Variants in NTN1 observed in about 807,000 individuals in gnomAD.
NTN1 encodes the protein netrin 1.
Under a neutral mutation model 54.2 loss-of-function variants are expected in NTN1, and 11 were observed. The ratio of observed to expected loss-of-function variants is 0.20; its 90% CI spans 0.13 to 0.34. The LOEUF (loss-of-function observed/expected upper bound fraction) is 0.34. Among genes scored for constraint, NTN1 ranks in the 10% least tolerant of loss-of-function variants. NTN1 has a pLI of 1.00. For missense variants in NTN1, 740 were observed against 893.1 expected (o/e 0.83, Z 2.18); for synonymous variants, 371 against 382.0 (o/e 0.97, Z 0.33).
chr17:9,015,164 A>G, the NTN1 span, among the ~76,000 whole-genome samples: 1 of 152,206 alleles, frequency 6.6e-6, no homozygotes, highest in Admixed American at 6.5e-5. Flanking sequence ...TAATCCTAGC[A>G]CTTTGGGAGG....
chr17:9,122,248 A>G (rs1038192354), intron 2 of NTN1, among the ~76,000 whole-genome samples: 8 of 152,080 alleles, frequency 5.3e-5, no homozygotes, highest in African/African-American at 1.9e-4. Flanking sequence ...GTTAGCCAGG[A>G]TGGTCTCGAT....
chr17:9,128,007 C>T (rs911888503), intron 2 of NTN1, among the ~76,000 whole-genome samples: 17 of 152,082 alleles, frequency 1.1e-4, no homozygotes, highest in Non-Finnish European at 2.5e-4. Context: ...ATCCCAGCTA[C>T]TCAGGAAGCT....
intron 2 of NTN1, among the ~76,000 whole-genome samples, chr17:9,061,778 A>C (rs1016337208): frequency 1.3e-5 from 2 of 152,082 alleles, no homozygotes; most frequent in Non-Finnish European, 2.9e-5. Flanking sequence ...GTCTTGGCTC[A>C]CTGAAACCTC....
chr17:9,010,823 G>A, the NTN1 span, among the ~76,000 whole-genome samples: 1 of 152,144 alleles, frequency 6.6e-6, no homozygotes. Context: ...ATGGGCGTGG[G>A]GGTAGGGGAT....
intron 5 of NTN1, among the ~76,000 whole-genome samples, chr17:9,185,326 C>G (rs1468458793): frequency 6.6e-6 from 1 of 152,146 alleles, no homozygotes. Context: ...GGGAGCTCAG[C>G]GCTCTCAAAC....
intron 2 of NTN1, among the ~76,000 whole-genome samples, chr17:9,031,766 G>A (rs1164475996): frequency 6.6e-6 from 1 of 152,018 alleles, no homozygotes; most frequent in Non-Finnish European, 1.5e-5. Flanking sequence ...CCAACATGGT[G>A]AAACCTCATC....
At chr17:9,115,010 T>G (rs2092206073) in intron 2 of NTN1, among the ~76,000 whole-genome samples, 1 of 152,182 alleles carries the variant, frequency 6.6e-6, no homozygotes, top group Non-Finnish European at 1.5e-5. Flanking sequence ...TGCATTTTTC[T>G]TGGGTGGATG....
At chr17:9,113,696 T>C (rs576324871) in intron 2 of NTN1, among the ~76,000 whole-genome samples, 16 of 152,088 alleles carry the variant, frequency 1.1e-4, no homozygotes, top group Middle Eastern at 3.4e-3. Context: ...AGATGTCATA[T>C]AGGGAGAGAG....
intron 6 of NTN1, among the ~76,000 whole-genome samples, chr17:9,232,465 C>A (rs1465956150): frequency 6.6e-6 from 1 of 152,112 alleles, no homozygotes; most frequent in Non-Finnish European, 1.5e-5. Context: ...CCTCCAGGAC[C>A]TAGCAGGGGA....
In NTN1 at chr17:9,208,697, T is replaced by C. The variant is rs200007211; in HGVS notation, c.1412-12471T>C. 2.6e-5 allele frequency among the ~76,000 whole-genome samples: 4 copies of C among 152,306 alleles called. No homozygotes were observed. In the East Asian group the frequency reaches 5.8e-4, roughly 22 times the overall value. ...GCTTAGGTCCTGTTTTTTCCAGATA[T>C]TATTTTGCAAATAATAGGATTCTAC... On this transcript the variant is annotated intron_variant, in intron 5 of 6. Transcript: ENST00000173229.
chr17:9,023,234 CA>C lies in NTN1; in HGVS notation c.863del (p.Asn288ThrfsTer142). The C allele has an allele frequency of 6.4e-7, 1 of 1,568,486 alleles. No homozygotes were observed. Among genetic ancestry groups the C allele is most frequent in the Non-Finnish European group, 8.6e-7 (1 of 1,156,900 alleles). ...TGCAGGTGGGCGGCCGGTGCAAGTG[CA>C]ACGGCCACGCGGCCCGCTGCGTGCG... The part of the protein sequence containing the change: ...DLQVGGRCKC[N>X]GHAARCVRDR... On this transcript the variant is annotated frameshift_variant, in exon 2 of 7. Coordinates refer to ENST00000173229, the MANE Select transcript of NTN1 (RefSeq NM_004822.3). LOFTEE classifies it high-confidence loss of function.
intron 2 of NTN1, among the ~76,000 whole-genome samples, chr17:9,030,722 G>T (rs902613886): frequency 6.6e-6 from 1 of 151,900 alleles, no homozygotes; most frequent in Non-Finnish European, 1.5e-5. Flanking sequence ...TCCAGCCTGG[G>T]TGACAGAGCA....
chr17:9,143,431 A>T (rs1003885051), intron 2 of NTN1, among the ~76,000 whole-genome samples: 1 of 152,196 alleles, frequency 6.6e-6, no homozygotes, highest in Non-Finnish European at 1.5e-5. Context: ...GGGAATATTG[A>T]GGCAGGCCAG....
intron 2 of NTN1, among the ~76,000 whole-genome samples, chr17:9,038,777 A>G (rs2091911872): frequency 6.6e-6 from 1 of 151,840 alleles, no homozygotes; most frequent in African/African-American, 2.4e-5. Context: ...TTTATTTCTT[A>G]TGAGATCTGC....
intron 5 of NTN1, among the ~76,000 whole-genome samples, chr17:9,204,652 G>A (rs17742781): frequency 0.23 from 34,545 of 152,166 alleles, 4,126 homozygotes; most frequent in Non-Finnish European, 0.28. Context: ...GTGGCAAATG[G>A]CAGTGAATCG....
chr17:9,038,253 C>G (rs566919527), intron 2 of NTN1, among the ~76,000 whole-genome samples: 1 of 41,948 alleles, frequency 2.4e-5, no homozygotes, highest in South Asian at 6.9e-4. Flanking sequence ...CTTCTCCTCT[C>G]TTTCTCTCTC....
At chr17:9,076,865 A>G (rs1336243600) in intron 2 of NTN1, among the ~76,000 whole-genome samples, 1 of 152,222 alleles carries the variant, frequency 6.6e-6, no homozygotes, top group Admixed American at 6.5e-5. Flanking sequence ...TCCACCCAGG[A>G]TGGGGTGTCC....
At chr17:9,229,333 T>TGC (rs2142368110) in intron 6 of NTN1, among the ~76,000 whole-genome samples, 1 of 152,336 alleles carries the variant, frequency 6.6e-6, no homozygotes, top group Admixed American at 6.5e-5. Context: ...TCCCTCCCGC[T>TGC]GCTGGGACCC....
chr17:9,118,301 A>G (rs1048688307), intron 2 of NTN1, among the ~76,000 whole-genome samples: 9 of 152,118 alleles, frequency 5.9e-5, no homozygotes, highest in Non-Finnish European at 8.8e-5. Flanking sequence ...GGGTGGATCA[A>G]CTGAGGTCAG....
Sources: allele counts gnomAD v4.1 joint callset (sites outside exome capture counted in the v4.1 genomes callset), GRCh38; gene constraint gnomAD v4.1.1; transcripts MANE v1.5; gene names NCBI Gene and HGNC (gene_info 2026-07-23, HGNC 2026-07-21).